PRKG1: variants seen among roughly 807,000 people sequenced by gnomAD.
PRKG1 encodes the protein protein kinase cGMP-dependent 1, also known as cGMP-dependent protein kinase 1.
A neutral mutation model predicts 88.1 loss-of-function variants in PRKG1; 35 were observed. The observed-to-expected ratio is 0.40, with a 90% CI of 0.30 to 0.53. PRKG1 has a LOEUF of 0.53. Among genes scored for constraint, PRKG1 ranks in the 20% least tolerant of loss-of-function variants. The pLI, the probability that PRKG1 is intolerant of heterozygous loss-of-function variation, is 0.59. For missense variants in PRKG1, 540 were observed against 839.8 expected (o/e 0.64, Z 4.41); for synonymous variants, 303 against 292.5 (o/e 1.04, Z -0.37).
At chr10:51,604,641 T>C (rs959930567) in intron 3 of PRKG1, among the ~76,000 whole-genome samples, 17 of 152,242 alleles carry the variant, frequency 1.1e-4, no homozygotes, top group African/African-American at 3.9e-4. Context: ...GTTTTGCTGA[T>C]ACGGGAGAGT....
chr10:51,915,627 C>G (rs947036361), intron 5 of PRKG1, among the ~76,000 whole-genome samples: 1 of 151,976 alleles, frequency 6.6e-6, no homozygotes, highest in African/African-American at 2.4e-5. Flanking sequence ...AGACAAAACT[C>G]TCAGTTCGGT....
At chr10:51,157,536 C>G (rs1429293480) in intron 2 of PRKG1, among the ~76,000 whole-genome samples, 1 of 151,676 alleles carries the variant, frequency 6.6e-6, no homozygotes, top group Non-Finnish European at 1.5e-5. Context: ...TACATTCATT[C>G]AAAATAAAAC....
chr10:51,779,281 C>T (rs1274047180), intron 3 of PRKG1, among the ~76,000 whole-genome samples: 1 of 152,100 alleles, frequency 6.6e-6, no homozygotes, highest in Non-Finnish European at 1.5e-5. Flanking sequence ...AATAGATCTT[C>T]TGTCTTTCCT....
chr10:51,171,770 G>A (rs9415764), intron 2 of PRKG1, among the ~76,000 whole-genome samples: 10,008 of 152,076 alleles, frequency 0.066, 693 homozygotes, highest in African/African-American at 0.17. Flanking sequence ...ACTTTCCTAA[G>A]CAACTTAAGG....
intron 10 of PRKG1, among the ~76,000 whole-genome samples, chr10:52,266,173 C>A (rs1841564738): frequency 6.8e-6 from 1 of 146,140 alleles, no homozygotes; most frequent in Admixed American, 6.9e-5. Flanking sequence ...AGTTAATGAA[C>A]CAATATTAAT....
intron 1 of PRKG1, among the ~76,000 whole-genome samples, chr10:51,018,082 A>G (rs1488289169): frequency 6.6e-6 from 1 of 152,210 alleles, no homozygotes; most frequent in East Asian, 1.9e-4. Flanking sequence ...TTGGCCTCCT[A>G]TAGGGTTGGG....
chr10:51,770,791 G>C (rs972751029), intron 3 of PRKG1, among the ~76,000 whole-genome samples: 21 of 152,178 alleles, frequency 1.4e-4, no homozygotes, highest in African/African-American at 5.1e-4. Context: ...TTCCAGGAAA[G>C]TGGTCCCCGG....
chr10:52,129,902 G>A (rs886588883), intron 7 of PRKG1, among the ~76,000 whole-genome samples: 1 of 152,104 alleles, frequency 6.6e-6, no homozygotes, highest in Non-Finnish European at 1.5e-5. Flanking sequence ...AAATCTGATA[G>A]CAAAGCATAT....
intron 7 of PRKG1, among the ~76,000 whole-genome samples, chr10:52,118,103 A>G (rs4935030): frequency 0.012 from 1,791 of 152,194 alleles, 54 homozygotes; most frequent in East Asian, 0.06. Flanking sequence ...AAATACTTAA[A>G]TAAATTATGC....
chr10:51,936,732 A>T (rs545003172), intron 5 of PRKG1, among the ~76,000 whole-genome samples: 12 of 152,108 alleles, frequency 7.9e-5, no homozygotes, highest in South Asian at 2.1e-4. Flanking sequence ...TTTTTTAAAA[A>T]TTTTTTTGCT....
chr10:51,986,329 T>C (rs529208842), intron 5 of PRKG1, among the ~76,000 whole-genome samples: 1 of 152,226 alleles, frequency 6.6e-6, no homozygotes, highest in Non-Finnish European at 1.5e-5. Flanking sequence ...TCAAGAAATA[T>C]CTCTTCTAAA....
chr10:51,289,898 G>C (rs1410760589), intron 2 of PRKG1, among the ~76,000 whole-genome samples: 1 of 152,186 alleles, frequency 6.6e-6, no homozygotes, highest in East Asian at 1.9e-4. Flanking sequence ...CAGCTTTAAA[G>C]TGAAGTTGTG....
intron 4 of PRKG1, among the ~76,000 whole-genome samples, chr10:51,892,712 G>A (rs1259985689): frequency 1.3e-5 from 2 of 152,212 alleles, no homozygotes; most frequent in African/African-American, 4.8e-5. Flanking sequence ...GGGTAGAAAT[G>A]AGAGATGATA....
At chr10:51,705,712 T>C (rs1040351406) in intron 3 of PRKG1, among the ~76,000 whole-genome samples, 1 of 152,230 alleles carries the variant, frequency 6.6e-6, no homozygotes, top group African/African-American at 2.4e-5. Context: ...GCAGTCATAG[T>C]TCCTCAATTT....
At chr10:51,470,694 A>AAT (rs942138102) in intron 3 of PRKG1, among the ~76,000 whole-genome samples, 33 of 151,956 alleles carry the variant, frequency 2.2e-4, no homozygotes, top group African/African-American at 6.8e-4. Context: ...TCAGCTAATG[A>AAT]ATATGATCAG....
chr10:51,632,621 A>G (rs963951726), intron 3 of PRKG1, among the ~76,000 whole-genome samples: 2 of 152,094 alleles, frequency 1.3e-5, no homozygotes, highest in African/African-American at 4.8e-5. Flanking sequence ...ATTTTCTTTC[A>G]CTGTAAGGTG....
chr10:51,384,031 C>A (rs929131491), intron 2 of PRKG1, among the ~76,000 whole-genome samples: 1 of 152,056 alleles, frequency 6.6e-6, no homozygotes, highest in Non-Finnish European at 1.5e-5. Flanking sequence ...AAATAAAGCA[C>A]CACCTGAAAG....
chr10:52,247,837 G>A (rs1456074034), intron 9 of PRKG1, among the ~76,000 whole-genome samples: 2 of 152,152 alleles, frequency 1.3e-5, no homozygotes, highest in African/African-American at 4.8e-5. Flanking sequence ...CGGTGCTAGA[G>A]GAATTAAAGA....
At chr10:51,825,609 G>T (rs1006323149) in intron 4 of PRKG1, among the ~76,000 whole-genome samples, 8 of 152,124 alleles carry the variant, frequency 5.3e-5, no homozygotes, top group African/African-American at 1.9e-4. Flanking sequence ...GCCTACAACA[G>T]CTGCCTGACA....
Sources: gnomAD v4.1 joint callset for allele counts (sites outside exome capture counted in the v4.1 genomes callset) on GRCh38, gnomAD v4.1.1 for gene constraint, MANE v1.5 for transcripts, NCBI Gene and HGNC (gene_info 2026-07-23, HGNC 2026-07-21) for gene names.